CACNA2D3: variants seen among roughly 807,000 people sequenced by gnomAD.
The protein encoded by CACNA2D3 is calcium voltage-gated channel auxiliary subunit alpha2delta 3, also known as voltage-dependent calcium channel subunit alpha-2/delta-3.
CACNA2D3 carries 60 observed loss-of-function variants against 160.6 expected under a neutral mutation model. The observed-to-expected ratio is 0.37, with a 90% CI of 0.30 to 0.46. The LOEUF is 0.46. Ranked by LOEUF, CACNA2D3 falls within the 20% of genes least tolerant of loss-of-function variation. The pLI is 1.00. For missense variants in CACNA2D3, 1,205 were observed against 1,365.0 expected, an observed-to-expected ratio of 0.88 and a Z score of 1.85; for synonymous variants, 558 against 492.9, an observed-to-expected ratio of 1.13 and a Z score of -1.75.
At position 54,285,714 on chromosome 3, in the gene CACNA2D3, A is replaced by T. The variant is rs1028026270; in HGVS notation, c.205-34728A>T. Among the ~76,000 whole-genome samples the T allele has an allele frequency of 3.3e-5, 5 of 152,276 alleles. No homozygotes were observed. In the East Asian group the frequency reaches 7.7e-4, roughly 24 times the overall value. On this transcript the variant is annotated intron_variant, in intron 2 of 37. Coordinates refer to ENST00000474759, the MANE Select transcript of CACNA2D3 (RefSeq NM_018398.3). ...CAGACAGACACATCACACGGCCGGG[A>T]ACTCCTCTGAGACAAAACTTCCAGA...
intron 5 of CACNA2D3, among the ~76,000 whole-genome samples, chr3:54,535,813 C>T (rs1471479056): frequency 6.6e-6 from 1 of 152,204 alleles, no homozygotes; most frequent in Non-Finnish European, 1.5e-5. Context: ...GCAAGATGGA[C>T]AGGTCACCTG....
At chr3:54,281,029 C>G (rs1312789120) in intron 2 of CACNA2D3, among the ~76,000 whole-genome samples, 3 of 152,192 alleles carry the variant, frequency 2.0e-5, no homozygotes, top group Non-Finnish European at 2.9e-5. Context: ...TCAGCATCCA[C>G]CCTAGAGGCT....
chr3:54,847,355 AAC>A (rs1238385890), intron 17 of CACNA2D3, among the ~76,000 whole-genome samples: 1 of 151,792 alleles, frequency 6.6e-6, no homozygotes, highest in Non-Finnish European at 1.5e-5. Context: ...GCAATCAACA[AAC>A]ACACACGTAC....
intron 2 of CACNA2D3, among the ~76,000 whole-genome samples, chr3:54,315,785 A>G (rs1222183863): frequency 6.6e-6 from 1 of 152,186 alleles, no homozygotes; most frequent in Non-Finnish European, 1.5e-5. Context: ...CCTGTGATAC[A>G]CACAGGACTC....
At chr3:54,266,902 G>A (rs112547392) in intron 2 of CACNA2D3, among the ~76,000 whole-genome samples, 2,584 of 152,264 alleles carry the variant, frequency 0.017, 40 homozygotes, top group South Asian at 0.046. Flanking sequence ...GGGAGAGCAT[G>A]GAGGGGACAG....
chr3:54,681,163 G>C (rs1700340805), intron 11 of CACNA2D3, among the ~76,000 whole-genome samples: 1 of 151,794 alleles, frequency 6.6e-6, no homozygotes, highest in Non-Finnish European at 1.5e-5. Context: ...AGAGAAAGTA[G>C]ACAAAACTCT....
intron 14 of CACNA2D3, among the ~76,000 whole-genome samples, chr3:54,822,745 T>C (rs1295450996): frequency 1.1e-4 from 7 of 62,826 alleles, no homozygotes; most frequent in Admixed American, 3.6e-4. Flanking sequence ...TTTCTTTCTT[T>C]CTTTCTTTCT....
chr3:54,529,817 T>A (rs932880761), intron 5 of CACNA2D3, among the ~76,000 whole-genome samples: 4 of 152,188 alleles, frequency 2.6e-5, no homozygotes, highest in Admixed American at 2.6e-4. Flanking sequence ...GTGATATAAT[T>A]TTTTTATTGC....
intron 9 of CACNA2D3, among the ~76,000 whole-genome samples, chr3:54,591,747 G>A (rs541679675): frequency 6.6e-6 from 1 of 152,164 alleles, no homozygotes; most frequent in Admixed American, 6.5e-5. Flanking sequence ...CCTGAATGGA[G>A]CTTTGAGTCC....
chr3:54,350,992 T>TTTTTTTTTTTTTTTTTTTTTTTTTG (rs1559457861), intron 3 of CACNA2D3, among the ~76,000 whole-genome samples: 2 of 110,978 alleles, frequency 1.8e-5, no homozygotes, highest in Non-Finnish European at 2.0e-5. Context: ...GTTTGTTTTT[T>TTTTTTTTTTTTTTTTTTTTTTTTTG]TTTTTTTTTT....
chr3:54,800,159 T>C (rs571714473), intron 13 of CACNA2D3, among the ~76,000 whole-genome samples: 1 of 152,278 alleles, frequency 6.6e-6, no homozygotes, highest in East Asian at 1.9e-4. Flanking sequence ...GTTTGGATAT[T>C]TCCAAAATGA....
intron 11 of CACNA2D3, among the ~76,000 whole-genome samples, chr3:54,655,263 A>T (rs565894413): frequency 6.6e-6 from 1 of 152,314 alleles, no homozygotes; most frequent in East Asian, 1.9e-4. Flanking sequence ...TAGTGTCTGG[A>T]TGCTGACAAC....
At chr3:54,890,974 C>T (rs1024913258) in intron 24 of CACNA2D3, among the ~76,000 whole-genome samples, 11 of 152,166 alleles carry the variant, frequency 7.2e-5, no homozygotes, top group African/African-American at 2.7e-4. Flanking sequence ...ATGCAAAAAG[C>T]GAGTCCTAAG....
chr3:54,187,541 G>A (rs1301226732), intron 2 of CACNA2D3, among the ~76,000 whole-genome samples: 2 of 152,112 alleles, frequency 1.3e-5, no homozygotes, highest in Non-Finnish European at 2.9e-5. Flanking sequence ...GGAAGGCATC[G>A]CTAGTTGTCT....
intron 11 of CACNA2D3, among the ~76,000 whole-genome samples, chr3:54,652,347 G>A (rs1041902315): frequency 3.3e-5 from 5 of 152,120 alleles, no homozygotes; most frequent in Non-Finnish European, 7.3e-5. Flanking sequence ...AGGAGTAGGG[G>A]GCTAAGACAC....
Position 54,891,408 on chromosome 3 carries a change from C to G in CACNA2D3, c.2204C>G (p.Ser735Cys). ...VAFLGTRTGL[S>C]RINLFVGAEQ... ...TTCCTCGGCACTCGCACGGGCCTCT[C>G]CAGAATCAACCTGTTTGTCGGGGCT... Residue 735 changes from serine (S) to cysteine (C), a missense_variant, in exon 25 of 38, where the codon TCC (serine) becomes TGC (cysteine). Transcript: ENST00000474759. 2 of 1,613,948 alleles carry G rather than the reference C, an allele frequency of 1.2e-6. No homozygotes were observed. Among genetic ancestry groups the G allele is most frequent in the East Asian group, 4.5e-5 (2 of 44,878 alleles).
At chr3:54,552,831 G>T (rs1185367811) in intron 5 of CACNA2D3, among the ~76,000 whole-genome samples, 2 of 152,176 alleles carry the variant, frequency 1.3e-5, no homozygotes, top group Non-Finnish European at 2.9e-5. Context: ...TAAAATATAT[G>T]AAGGGAGAAA....
intron 14 of CACNA2D3, among the ~76,000 whole-genome samples, chr3:54,821,019 A>G (rs1273549256): frequency 6.6e-6 from 1 of 152,186 alleles, no homozygotes; most frequent in Non-Finnish European, 1.5e-5. Flanking sequence ...AATACTCTTC[A>G]GGGAGTTCCA....
At chr3:54,177,588 C>A (rs191732643) in intron 2 of CACNA2D3, among the ~76,000 whole-genome samples, 1 of 152,184 alleles carries the variant, frequency 6.6e-6, no homozygotes, top group Non-Finnish European at 1.5e-5. Flanking sequence ...AGCTTCCTTA[C>A]GAGTTTCATT....
Sources: gnomAD v4.1 joint callset for allele counts (sites outside exome capture counted in the v4.1 genomes callset) on GRCh38, gnomAD v4.1.1 for gene constraint, MANE v1.5 for transcripts, NCBI Gene and HGNC (gene_info 2026-07-23, HGNC 2026-07-21) for gene names.